Variants in ASPRV1 observed in about 807,000 individuals in gnomAD.
ASPRV1 encodes retroviral-like aspartic protease 1.
In ASPRV1, 7 loss-of-function variants were observed where a neutral mutation model predicts 11.0. The ratio of observed to expected loss-of-function variants is 0.64; its 90% CI spans 0.36 to 1.20. The LOEUF is 1.20. Among genes scored for constraint, ASPRV1 ranks in the 50% most tolerant of loss-of-function variants. The pLI is 0.02. For missense variants in ASPRV1, 299 were observed against 320.0 expected, an observed-to-expected ratio of 0.93 and a Z score of 0.50; for synonymous variants, 136 against 138.4, an observed-to-expected ratio of 0.98 and a Z score of 0.12.
chr2:69,948,866 T>G, the ASPRV1 span, among the ~76,000 whole-genome samples: 1 of 152,014 alleles, frequency 6.6e-6, no homozygotes, highest in Non-Finnish European at 1.5e-5. Flanking sequence ...GGTCCCCACC[T>G]GATCAGGCCC....
At chr2:69,958,182 T>C (rs13416348), downstream of ASPRV1, among the ~76,000 whole-genome samples, 829 of 152,346 alleles carry the variant, frequency 5.4e-3, 7 homozygotes, top group Middle Eastern at 0.024. Context: ...TTGACGCATC[T>C]GCAGCTGTGA....
At chr2:70,074,254 C>T in the ASPRV1 span, among the ~76,000 whole-genome samples, 1 of 149,438 alleles carries the variant, frequency 6.7e-6, no homozygotes, top group Non-Finnish European at 1.5e-5. Context: ...TACAGAACAT[C>T]AGAGTTCAAA....
chr2:70,080,374 G>A, the ASPRV1 span, among the ~76,000 whole-genome samples: 1 of 152,062 alleles, frequency 6.6e-6, no homozygotes, highest in Non-Finnish European at 1.5e-5. Flanking sequence ...TTGTAGGCAT[G>A]TGCCACCACA....
At chr2:70,041,929 T>C in the ASPRV1 span, among the ~76,000 whole-genome samples, 26 of 152,126 alleles carry the variant, frequency 1.7e-4, no homozygotes, top group African/African-American at 4.3e-4. Context: ...ACACAGGAAA[T>C]AGTGATTACT....
chr2:69,958,002 GGTTCAAACGCCCACT>G (rs1677979031), downstream of ASPRV1, among the ~76,000 whole-genome samples: 1 of 152,146 alleles, frequency 6.6e-6, no homozygotes, highest in South Asian at 2.1e-4. Context: ...GCTCTCCCAT[GGTTCAAACGCCCACT>G]GTGGGAGGCA....
chr2:70,007,342 A>G, the ASPRV1 span, among the ~76,000 whole-genome samples: 3 of 151,776 alleles, frequency 2.0e-5, no homozygotes, highest in East Asian at 5.8e-4. Flanking sequence ...ACATGGAGAA[A>G]CTCCGTTTCT....
At chr2:70,039,287 T>G in the ASPRV1 span, among the ~76,000 whole-genome samples, 1 of 152,190 alleles carries the variant, frequency 6.6e-6, no homozygotes, top group Non-Finnish European at 1.5e-5. Flanking sequence ...AGCTGGGAGT[T>G]CTACATCTGT....
chr2:70,006,026 G>C, the ASPRV1 span, among the ~76,000 whole-genome samples: 1 of 152,188 alleles, frequency 6.6e-6, no homozygotes, highest in Non-Finnish European at 1.5e-5. Flanking sequence ...TGGCCAGGCT[G>C]TCCTGTGCAT....
At chr2:70,025,248 A>ATC in the ASPRV1 span, among the ~76,000 whole-genome samples, 1 of 152,144 alleles carries the variant, frequency 6.6e-6, no homozygotes, top group East Asian at 1.9e-4. Flanking sequence ...AATGATAGAA[A>ATC]GAGTGATCTC....
chr2:69,987,449 C>T, the ASPRV1 span, among the ~76,000 whole-genome samples: 5 of 151,546 alleles, frequency 3.3e-5, no homozygotes, highest in Non-Finnish European at 5.9e-5. Context: ...TTTACATTCA[C>T]GTTAAAAAAA....
At chr2:70,070,015 C>T in the ASPRV1 span, among the ~76,000 whole-genome samples, 1 of 152,002 alleles carries the variant, frequency 6.6e-6, no homozygotes, top group African/African-American at 2.4e-5. Context: ...CTCATCTCTA[C>T]TAAAAATACA....
At chr2:70,078,064 G>A in the ASPRV1 span, among the ~76,000 whole-genome samples, 33 of 152,084 alleles carry the variant, frequency 2.2e-4, no homozygotes, top group African/African-American at 7.0e-4. Context: ...CTACTCAGGA[G>A]GCTGAGGCAG....
the ASPRV1 span, among the ~76,000 whole-genome samples, chr2:70,054,358 C>A: frequency 1.3e-5 from 2 of 151,250 alleles, no homozygotes; most frequent in Admixed American, 6.6e-5. Flanking sequence ...GAGGCCGAGG[C>A]GGGTGGGTCA....
chr2:69,958,507 G>A (rs1183864767), downstream of ASPRV1, among the ~76,000 whole-genome samples: 1 of 152,160 alleles, frequency 6.6e-6, no homozygotes, highest in East Asian at 1.9e-4. Flanking sequence ...CAGGGAGGCT[G>A]GGGTATTGCT....
the ASPRV1 span, among the ~76,000 whole-genome samples, chr2:70,002,108 T>C: frequency 1.3e-5 from 2 of 152,210 alleles, no homozygotes; most frequent in African/African-American, 4.8e-5. Flanking sequence ...TTTTTCTGTT[T>C]CCTACTTCTC....
chr2:70,003,317 T>C, the ASPRV1 span: 1 of 152,308 alleles, frequency 6.6e-6, no homozygotes, highest in Admixed American at 6.5e-5. Flanking sequence ...CTTCCTCATC[T>C]GTAAAATGGG....
the ASPRV1 span, among the ~76,000 whole-genome samples, chr2:70,022,681 C>A: frequency 1.3e-5 from 2 of 151,648 alleles, no homozygotes; most frequent in Non-Finnish European, 2.9e-5. Flanking sequence ...CAGAGTGAGA[C>A]CCTGTTTAAA....
chr2:69,999,533 G>A, the ASPRV1 span, among the ~76,000 whole-genome samples: 2 of 151,402 alleles, frequency 1.3e-5, no homozygotes, highest in African/African-American at 4.9e-5. Flanking sequence ...GGGCATGCCT[G>A]TAATCCTGGC....
the ASPRV1 span, among the ~76,000 whole-genome samples, chr2:70,034,140 G>A: frequency 1.6e-5 from 2 of 125,574 alleles, no homozygotes; most frequent in East Asian, 2.5e-4. Flanking sequence ...GAGCGACAGC[G>A]AGACTCCATC....
Sources: allele counts gnomAD v4.1 joint callset (sites outside exome capture counted in the v4.1 genomes callset), GRCh38; gene constraint gnomAD v4.1.1; transcripts MANE v1.5; gene names NCBI Gene and HGNC (gene_info 2026-07-23, HGNC 2026-07-21).